Variants in PGLYRP2 observed in about 807,000 individuals in gnomAD.
PGLYRP2 encodes peptidoglycan recognition protein 2.
A neutral mutation model predicts 46.2 loss-of-function variants in PGLYRP2; 38 were observed. That is an observed-to-expected ratio of 0.82 (90% CI 0.64 to 1.08). PGLYRP2 has a LOEUF of 1.08. Among genes scored for constraint, PGLYRP2 ranks in the 50% least tolerant of loss-of-function variants. The pLI is 0.00. For missense variants in PGLYRP2, 713 were observed against 755.9 expected (o/e 0.94, Z 0.67); for synonymous variants, 289 against 329.4 (o/e 0.88, Z 1.33).
In PGLYRP2 at chr19:15,472,084, G is replaced by A. The variant is rs1044234704; in HGVS notation, c.1149C>T (p.His383=). The A allele has an allele frequency of 6.2e-7, 1 of 1,602,958 alleles. No individual in the cohort carries two copies. ...GCGCCGCTCCCCAGCGGCAGCGGGG[G>A]TGGATGGCCGGGCATCCTACAGGCA... ...TEAFLGCPAI[H]PRCRWGAAPY... Residue 383 remains histidine (H), a synonymous_variant, in exon 3 of 5, where the codon CAC becomes CAT. Transcript: ENST00000340880.
At chr19:15,475,502 A>G (rs1970784957) in intron 2 of PGLYRP2, 36 bp downstream of exon 2, 1 of 1,536,024 alleles carries the variant, frequency 6.5e-7, no homozygotes, top group Non-Finnish European at 8.8e-7. Context: ...TGTGTCTGTA[A>G]TGGGAAGGAT....
chr19:15,475,216 A>G (rs1169436905), intron 2 of PGLYRP2, among the ~76,000 whole-genome samples: 1 of 152,066 alleles, frequency 6.6e-6, no homozygotes, highest in African/African-American at 2.4e-5. Flanking sequence ...TAATGGGTGG[A>G]TGTATGTTAT....
In PGLYRP2 at chr19:15,479,430, G is replaced by T; in HGVS notation, c.-59C>A. 6.5e-7 allele frequency: 1 copy of T among 1,542,394 alleles called. No individual in the cohort carries two copies. The highest frequency in any genetic ancestry group is 8.9e-7 in the Non-Finnish European group (1 of 1,124,002). ...TGGTTGGCCTCGGCAGAGAACCTCGGCAGTGCTGGAGGGAGACAGGCACAG... is the reference window on the plus strand; with the variant it reads ...TGGTTGGCCTCGGCAGAGAACCTCGTCAGTGCTGGAGGGAGACAGGCACAG... On this transcript the variant is annotated 5_prime_UTR_variant, in exon 1 of 5. Transcript: ENST00000340880.
At chr19:15,474,417 G>A (rs1970776364) in intron 2 of PGLYRP2, among the ~76,000 whole-genome samples, 1 of 152,034 alleles carries the variant, frequency 6.6e-6, no homozygotes, top group Non-Finnish European at 1.5e-5. Flanking sequence ...CCCACTACTG[G>A]ATATCTACCC....
In PGLYRP2 at chr19:15,476,168, T is replaced by C; in HGVS notation, c.502A>G (p.Thr168Ala). ...CCATCCCTGAGTCCTGGGGAGGAGG[T>C]GGCTCTTACATCTGGAGCAATGGCC... ...VVAIAPDVRA[T>A]SSPGLRDGSP... Residue 168 changes from threonine to alanine, a missense_variant, in exon 2 of 5, where the codon ACC becomes GCC. Coordinates refer to ENST00000340880, the MANE Select transcript of PGLYRP2 (RefSeq NM_052890.4). The C allele has an allele frequency of 3.1e-6, 5 of 1,613,926 alleles. No individual in the cohort carries two copies. The highest frequency in any genetic ancestry group is 4.2e-6 in the Non-Finnish European group (5 of 1,179,988).
In PGLYRP2 at chr19:15,475,817, A is replaced by C. The variant is rs1970789342; in HGVS notation, c.853T>G (p.Tyr285Asp). ...GALDGVILGDYLSRTPEPRPS... is the reference protein window; with the variant it reads ...GALDGVILGDDLSRTPEPRPS... ...CGGGGCTCAGGAGTCCGGCTCAGGTAGTCTCCAAGGATGACCCCATCCAGG... is the reference window on the plus strand; with the variant it reads ...CGGGGCTCAGGAGTCCGGCTCAGGTCGTCTCCAAGGATGACCCCATCCAGG... The change falls in exon 2 of 5, where the codon TAC (tyrosine) becomes GAC (aspartate). Residue 285 changes from tyrosine (Y) to aspartate (D), a missense_variant. By Grantham distance (160) the Tyr-to-Asp change is radical. Transcript: ENST00000340880. 6.2e-7 allele frequency: 1 copy of C among 1,613,958 alleles called. No homozygotes were observed.
intron 3 of PGLYRP2, among the ~76,000 whole-genome samples, chr19:15,471,102 G>GAT (rs1568340519): frequency 8.8e-5 from 10 of 113,176 alleles, no homozygotes; most frequent in African/African-American, 3.9e-4. Flanking sequence ...ACCATGCCCA[G>GAT]CTTTTTTTTT....
intron 2 of PGLYRP2, among the ~76,000 whole-genome samples, chr19:15,475,277 C>T (rs983020284): frequency 2.0e-5 from 3 of 151,962 alleles, no homozygotes; most frequent in Non-Finnish European, 4.4e-5. Context: ...GCAATCTATG[C>T]GAGAAACAAG....
chr19:15,478,240 G>A (rs1970815480), intron 1 of PGLYRP2, among the ~76,000 whole-genome samples: 1 of 152,082 alleles, frequency 6.6e-6, no homozygotes, highest in African/African-American at 2.4e-5. Context: ...CCAGCTACTT[G>A]GGGGGCTGAG....
At position 15,469,937 on chromosome 19, in the gene PGLYRP2, G is replaced by C; in HGVS notation, c.1344-8C>G. The C allele has an allele frequency of 7.1e-7, 1 of 1,415,824 alleles. No homozygotes were observed. Among genetic ancestry groups the C allele is most frequent in the Non-Finnish European group, 9.2e-7 (1 of 1,089,302 alleles). 87.7% of individuals were successfully genotyped at this position (1,415,824 alleles called of 1,614,324 possible). A position where few individuals can be genotyped will look rare whatever the true frequency, so the allele number is the denominator to read the frequency against. On this transcript the variant is annotated splice_polypyrimidine_tract_variant and splice_region_variant and intron_variant, in intron 3 of 4. Coordinates refer to ENST00000340880, the MANE Select transcript of PGLYRP2 (RefSeq NM_052890.4). The surrounding 1 kb of genome is among the most constrained non-coding windows in gnomAD (Gnocchi z 4.9). Reference sequence around the variant, plus strand: ...TCCGAGCCCACCACGAAACTGCAGAGGGGAGGGAGAAGCAAGCACCATGCG... The same window carrying C: ...TCCGAGCCCACCACGAAACTGCAGACGGGAGGGAGAAGCAAGCACCATGCG...
chr19:15,473,979 C>T (rs1012939103), intron 2 of PGLYRP2, among the ~76,000 whole-genome samples: 2 of 152,152 alleles, frequency 1.3e-5, no homozygotes, highest in Non-Finnish European at 2.9e-5. Flanking sequence ...CACCAATCAT[C>T]AGAGAAATGC....
At chr19:15,479,232 G>T in intron 1 of PGLYRP2, 79 bp downstream of exon 1, 1 of 1,471,128 alleles carries the variant, frequency 6.8e-7, no homozygotes, top group Non-Finnish European at 9.5e-7. Context: ...CTCCATGCAG[G>T]GCAAGACATA....
chr19:15,469,836 G>A lies in PGLYRP2; in HGVS notation c.1437C>T (p.Gly479=). The A allele has an allele frequency of 6.5e-7, 1 of 1,530,296 alleles. No homozygotes were observed. Among genetic ancestry groups the A allele is most frequent in the South Asian group, 1.2e-5 (1 of 82,070 alleles). 94.8% of individuals were successfully genotyped at this position (1,530,296 alleles called of 1,614,324 possible). Residue 479 remains glycine, a synonymous_variant, in exon 4 of 5, where the codon GGC becomes GGT. Coordinates refer to ENST00000340880, the MANE Select transcript of PGLYRP2 (RefSeq NM_052890.4). The surrounding 1 kb of genome is among the most constrained non-coding windows in gnomAD (Gnocchi z 4.9). ...CGGTGTAGTTGCCCACTATGGCCAC[G>A]CCGAAGCCCCGGGAGTTGTGGCCGA... is the stretch of plus-strand genomic sequence containing the variant. The part of the protein sequence containing the change: ...HTLGHNSRGF[G]VAIVGNYTAA...
chr19:15,479,297 G>T lies in PGLYRP2; in HGVS notation c.61+14C>A. ...CCAAGAGGTTTGGTCCCAGGACTCT[G>T]CCCCCTGACTCACCTGTCCCTGGGT... On this transcript the variant is annotated intron_variant, in intron 1 of 4. Coordinates refer to ENST00000340880, the MANE Select transcript of PGLYRP2 (RefSeq NM_052890.4). 1.9e-6 allele frequency: 3 copies of T among 1,613,940 alleles called. No homozygotes were observed. The highest frequency in any genetic ancestry group is 2.5e-6 in the Non-Finnish European group (3 of 1,179,900).
At chr19:15,470,168 C>A (rs2145513784) in intron 3 of PGLYRP2, among the ~76,000 whole-genome samples, 1 of 152,084 alleles carries the variant, frequency 6.6e-6, no homozygotes, top group Admixed American at 6.6e-5. Flanking sequence ...CCCTTCTCCT[C>A]CCCACCTCTG....
In PGLYRP2 at chr19:15,471,877, G is replaced by T. The variant is rs1460089787; in HGVS notation, c.1343+13C>A. On this transcript the variant is annotated intron_variant, in intron 3 of 4. Transcript: ENST00000340880. ...CGTGGGCCCCGCCCCCTCCCCGGTC[G>T]GGCCCCTCCTACCTGTAGCCGATGT... The T allele has an allele frequency of 1.2e-6, 2 of 1,608,126 alleles. No homozygotes were observed. The highest frequency in any genetic ancestry group is 3.4e-5 in the Admixed American group (2 of 59,620).
chr19:15,477,726 T>TAAAATAAAA (rs1555723719), intron 1 of PGLYRP2, among the ~76,000 whole-genome samples: 80 of 144,392 alleles, frequency 5.5e-4, no homozygotes, highest in East Asian at 1.8e-3. Flanking sequence ...TAAAATTAAA[T>TAAAATAAAA]TAAAATAAAA....
chr19:15,474,534 G>C (rs2145518110), intron 2 of PGLYRP2, among the ~76,000 whole-genome samples: 1 of 152,256 alleles, frequency 6.6e-6, no homozygotes, highest in East Asian at 1.9e-4. Context: ...TCCATCAAAA[G>C]AGAATTGGAT....
At position 15,475,838 on chromosome 19, in the gene PGLYRP2, C is replaced by G; in HGVS notation, c.832G>C (p.Asp278His). The G allele has an allele frequency of 6.2e-7, 1 of 1,614,070 alleles. No individual in the cohort carries two copies. The highest frequency in any genetic ancestry group is 8.5e-7 in the Non-Finnish European group (1 of 1,180,026). Reference protein sequence around the residue: ...LTMAFLNGALDGVILGDYLSR... With the variant: ...LTMAFLNGALHGVILGDYLSR... ...AGGTAGTCTCCAAGGATGACCCCAT[C>G]CAGGGCGCCATTGAGGAAGGCCATG... Residue 278 changes from aspartate (D) to histidine (H), a missense_variant, in exon 2 of 5, where the codon GAT becomes CAT. Coordinates refer to ENST00000340880, the MANE Select transcript of PGLYRP2 (RefSeq NM_052890.4).
Sources: allele counts gnomAD v4.1 joint callset (sites outside exome capture counted in the v4.1 genomes callset), GRCh38; gene constraint gnomAD v4.1.1; non-coding constraint Gnocchi (gnomAD v3.1); transcripts MANE v1.5; gene names NCBI Gene and HGNC (gene_info 2026-07-23, HGNC 2026-07-21).